The following MAP7D3 variants were observed in gnomAD, a reference collection of about 807,000 sequenced individuals.
MAP7D3 encodes the protein MAP7 domain containing 3.
Under a neutral mutation model 62.2 loss-of-function variants are expected in MAP7D3, and 45 were observed. That is an observed-to-expected ratio of 0.72 (90% CI 0.57 to 0.93). The LOEUF (loss-of-function observed/expected upper bound fraction) is 0.93. MAP7D3 is among the 40% of genes least tolerant of loss of function. The pLI, the probability that MAP7D3 is intolerant of heterozygous loss-of-function variation, is 0.00. For synonymous variants in MAP7D3, 288 were observed against 248.8 expected (o/e 1.16, Z -1.48); for missense variants, 711 against 683.1 (o/e 1.04, Z -0.45).
In MAP7D3 at chrX:136,246,259, T is replaced by C. The variant is rs753671689; in HGVS notation, c.153A>G (p.Arg51=). 5.0e-6 allele frequency: 6 copies of C among 1,195,701 alleles called. No individual in the cohort carries two copies. The highest frequency in any genetic ancestry group is 6.8e-6 in the Non-Finnish European group (6 of 881,086). The change falls in exon 2 of 19, where the codon AGA becomes AGG. Residue 51 remains arginine (R), a synonymous_variant. Coordinates refer to ENST00000316077, the MANE Select transcript of MAP7D3 (RefSeq NM_024597.4). The part of the protein sequence containing the change: ...NRVATHSSNI[R]STFKPVIDGS... Reference sequence around the variant, plus strand: ...AAATTATACCTGGTTTAAATGTCGATCTTATATTTGAGGAATGGGTTGCAA... The same window carrying C: ...AAATTATACCTGGTTTAAATGTCGACCTTATATTTGAGGAATGGGTTGCAA...
chrX:136,216,377 A>AAG (rs1556641024), downstream of MAP7D3, among the ~76,000 whole-genome samples: 63 of 104,217 alleles, frequency 6.0e-4, no homozygotes, highest in African/African-American at 2.1e-3. Flanking sequence ...AAAAAAAAAA[A>AAG]AAAAGAAAAA....
chrX:136,224,860 C>T lies in MAP7D3; in HGVS notation c.2160G>A (p.Lys720=), dbSNP rs199755641. 323 of 1,167,847 alleles carry T rather than the reference C, an allele frequency of 2.8e-4. No homozygotes were observed. In the African/African-American group the frequency reaches 4.7e-3, roughly 17 times the overall value. Residue 720 remains lysine (K), a synonymous_variant, in exon 14 of 19, where the codon AAG becomes AAA. Coordinates refer to ENST00000316077, the MANE Select transcript of MAP7D3 (RefSeq NM_024597.4). ...CATTCACATCTGTCTTTCTTGTCCG[C>T]TTCATAATTTCTTCTATTCTCTATT... ...ERKKRIEEIM[K]RTRKTDVNAS... is the part of the protein sequence containing the mutation.
Position 136,220,782 on chromosome X carries a change from T to C in MAP7D3, c.2469A>G (p.Ile823Met). ...FRQKSMKDTS[I>M]QEVVSRPSSK... The stretch of plus-strand genomic sequence containing the variant: ...TGACTCACCTTGAAACTACTTCCTG[T>C]ATTGAAGTGTCTTTCATGCTTTTTT... Residue 823 changes from isoleucine (I) to methionine (M), a missense_variant, in exon 16 of 19, where the codon ATA becomes ATG. Physicochemically the swap from Ile to Met is conservative, Grantham distance 10 (BLOSUM62 1). Coordinates refer to ENST00000316077, the MANE Select transcript of MAP7D3 (RefSeq NM_024597.4). 1 of 1,209,145 alleles carries C rather than the reference T, an allele frequency of 8.3e-7. No individual in the cohort carries two copies.
intron 10 of MAP7D3, among the ~76,000 whole-genome samples, chrX:136,229,963 G>GTATATATA (rs1314350673): frequency 1.7e-4 from 6 of 35,966 alleles, no homozygotes; most frequent in African/African-American, 3.9e-4. Flanking sequence ...TTTTGTGTGT[G>GTATATATA]TATATATATA....
chrX:136,230,311 T>C (rs1356297912), intron 10 of MAP7D3, 74 bp downstream of exon 10: 2 of 605,750 alleles, frequency 3.3e-6, no homozygotes, highest in East Asian at 3.3e-5. Context: ...GGGAATAAAA[T>C]GAAGTGAACC....
rs1438064793 is a variant in MAP7D3 at position 136,251,320 on chromosome X, GC to G, written c.38del (p.Ser13ThrfsTer4). Reference protein sequence around the residue: ...ADGAAAGAGGSPSLRELRARM... With the variant: ...ADGAAAGAGGXPSLRELRARM... Reference sequence around the variant, plus strand: ...GTGCCCGCAGCTCTCTCAAGGATGGGCTGCCGCCAGCGCCAGCTGCGGCGCC... The same window carrying G: ...GTGCCCGCAGCTCTCTCAAGGATGGGTGCCGCCAGCGCCAGCTGCGGCGCC... On this transcript the variant is annotated frameshift_variant, in exon 1 of 19. Coordinates refer to ENST00000316077, the MANE Select transcript of MAP7D3 (RefSeq NM_024597.4). LOFTEE classifies it high-confidence loss of function. The G allele has an allele frequency of 1.2e-3, 1,326 of 1,128,505 alleles. No individual in the cohort carries two copies. The highest frequency in any genetic ancestry group is 1.5e-3 in the Non-Finnish European group (1,266 of 860,472). 93.0% of individuals were successfully genotyped at this position (1,128,505 alleles called of 1,213,427 possible).
chrX:136,236,346 A>G lies in MAP7D3; in HGVS notation c.641-7T>C, dbSNP rs1375621936. On this transcript the variant is annotated splice_polypyrimidine_tract_variant and splice_region_variant and intron_variant, in intron 6 of 18. Transcript: ENST00000316077. Reference sequence around the variant, plus strand: ...CTCTCCTTGTCTGTTTTCCCTAGAGAGCAAGTACAAAAGGAATATTAGTTT... The same window carrying G: ...CTCTCCTTGTCTGTTTTCCCTAGAGGGCAAGTACAAAAGGAATATTAGTTT... 11 of 1,060,980 alleles carry G rather than the reference A, an allele frequency of 1.0e-5. No homozygotes were observed. The highest frequency in any genetic ancestry group is 1.4e-5 in the Non-Finnish European group (11 of 769,638). 87.4% of individuals were successfully genotyped at this position (1,060,980 alleles called of 1,213,427 possible). A position where few individuals can be genotyped will look rare whatever the true frequency, so the allele number is the denominator to read the frequency against.
chrX:136,227,023 G>T lies in MAP7D3; in HGVS notation c.2034+261C>A, dbSNP rs1181600106. ...AGATGCCTGTAATCCCAGCTACTTG[G>T]GAGGCTGAGGCAGGAGAATGGCTTG... On this transcript the variant is annotated intron_variant, in intron 12 of 18. Transcript: ENST00000316077. 3.6e-5 allele frequency among the ~76,000 whole-genome samples: 4 copies of T among 111,590 alleles called. No individual in the cohort carries two copies. In the East Asian group the frequency reaches 8.5e-4, roughly 24 times the overall value.
chrX:136,232,417 C>A (rs753805543), intron 7 of MAP7D3, among the ~76,000 whole-genome samples, 197 bp from the exon 8 acceptor site: 1 of 112,067 alleles, frequency 8.9e-6, no homozygotes, highest in Non-Finnish European at 1.9e-5. Flanking sequence ...GTCACTACTT[C>A]GGAAGCAACA....
intron 14 of MAP7D3, among the ~76,000 whole-genome samples, chrX:136,223,526 G>A (rs181907052): frequency 1.6e-3 from 176 of 110,556 alleles, no homozygotes; most frequent in African/African-American, 5.5e-3. Context: ...TGGCATGGAA[G>A]AAGATACCTG....
chrX:136,231,536 T>C lies in MAP7D3; in HGVS notation c.1413+8A>G. ...AGAAAATTTGTCAATAACAGGCACT[T>C]GACAAACCTTTGGAGCGTCTCTCGC... On this transcript the variant is annotated splice_region_variant and intron_variant, in intron 8 of 18. Coordinates refer to ENST00000316077, the MANE Select transcript of MAP7D3 (RefSeq NM_024597.4). 4.2e-6 allele frequency: 5 copies of C among 1,184,169 alleles called. No homozygotes were observed. The highest frequency in any genetic ancestry group is 5.7e-6 in the Non-Finnish European group (5 of 881,924).
At chrX:136,234,391 T>C (rs765406749) in intron 7 of MAP7D3, among the ~76,000 whole-genome samples, 11 of 111,649 alleles carry the variant, frequency 9.9e-5, no homozygotes, top group Admixed American at 1.9e-4. Context: ...TATTCTTCCA[T>C]ATTTTAGGTG....
chrX:136,239,998 C>G (rs1001600728), intron 6 of MAP7D3, among the ~76,000 whole-genome samples: 2 of 111,259 alleles, frequency 1.8e-5, no homozygotes, highest in Non-Finnish European at 3.8e-5. Flanking sequence ...CACTTGAGGT[C>G]AGGAGTTCAA....
intron 14 of MAP7D3, among the ~76,000 whole-genome samples, chrX:136,223,299 C>T (rs2074152715): frequency 9.0e-6 from 1 of 111,248 alleles, no homozygotes; most frequent in African/African-American, 3.3e-5. Context: ...AAATATCAGT[C>T]TTGTAGCATA....
At chrX:136,251,440 G>C (rs2074510924), upstream of MAP7D3, 18 of 887,684 alleles carry the variant, frequency 2.0e-5, no homozygotes, top group Non-Finnish European at 2.2e-5. Flanking sequence ...GTCGTGGCCG[G>C]GCTGCCGGTG....
At chrX:136,220,196 G>T (rs1338143648) in intron 16 of MAP7D3, among the ~76,000 whole-genome samples, 1 of 111,449 alleles carries the variant, frequency 9.0e-6, no homozygotes, top group African/African-American at 3.3e-5. Context: ...GGTGGCTTAC[G>T]CCTGTAATCC....
At chrX:136,235,523 C>T (rs976760633) in intron 7 of MAP7D3, among the ~76,000 whole-genome samples, 14 of 111,565 alleles carry the variant, frequency 1.3e-4, no homozygotes, top group African/African-American at 3.9e-4. Context: ...CTGAGACAGG[C>T]GGATCATCTG....
rs897748908 is a variant in MAP7D3 at position 136,223,955 on chromosome X, G to A, written c.2193+872C>T. On this transcript the variant is annotated intron_variant, in intron 14 of 18. Coordinates refer to ENST00000316077, the MANE Select transcript of MAP7D3 (RefSeq NM_024597.4). ...TAGTCTCAGCTACTTGGAAGGGTGA[G>A]ATGGGTGGATTGCTTGAGCTTGGGA... Among the ~76,000 whole-genome samples, 20 of 105,100 alleles carry A rather than the reference G, an allele frequency of 1.9e-4. No individual in the cohort carries two copies. In the Admixed American group the frequency reaches 2.1e-3, roughly 11 times the overall value. 91.3% of individuals were successfully genotyped at this position (105,100 alleles called of 115,157 possible). A position where few individuals can be genotyped will look rare whatever the true frequency, so the allele number is the denominator to read the frequency against.
chrX:136,219,999 G>A lies in MAP7D3; in HGVS notation c.2487-328C>T, dbSNP rs367901381. Among the ~76,000 whole-genome samples the A allele has an allele frequency of 6.2e-5, 7 of 112,157 alleles. 1 individual carries two copies. The highest frequency in any genetic ancestry group is 2.8e-4 in the East Asian group (1 of 3,568). ...TAACAGAATTGGTACAGGTCCTCTAGCTCTAATGCTCCTTCCACATCATCA... is the reference window on the plus strand; with the variant it reads ...TAACAGAATTGGTACAGGTCCTCTAACTCTAATGCTCCTTCCACATCATCA... On this transcript the variant is annotated intron_variant, in intron 16 of 18. Coordinates refer to ENST00000316077, the MANE Select transcript of MAP7D3 (RefSeq NM_024597.4).
Sources: gnomAD v4.1 joint callset for allele counts (sites outside exome capture counted in the v4.1 genomes callset) on GRCh38, gnomAD v4.1.1 for gene constraint, MANE v1.5 for transcripts, NCBI Gene and HGNC (gene_info 2026-07-23, HGNC 2026-07-21) for gene names.